Variants in RORA observed in about 807,000 individuals in gnomAD.
RORA encodes RAR related orphan receptor A, also known as nuclear receptor ROR-alpha.
Under a neutral mutation model 69.5 loss-of-function variants are expected in RORA, and 7 were observed. The ratio of observed to expected loss-of-function variants is 0.10; its 90% CI spans 0.06 to 0.19. The LOEUF (loss-of-function observed/expected upper bound fraction) is 0.19. Among genes scored for constraint, RORA ranks in the 10% least tolerant of loss-of-function variants. The pLI is 1.00. For missense variants in RORA, 457 were observed against 663.0 expected, an observed-to-expected ratio of 0.69 and a Z score of 3.41; for synonymous variants, 261 against 240.8, an observed-to-expected ratio of 1.08 and a Z score of -0.78.
chr15:60,709,406 A>G (rs2071112324), intron 1 of RORA, among the ~76,000 whole-genome samples: 1 of 152,184 alleles, frequency 6.6e-6, no homozygotes, highest in Admixed American at 6.5e-5. Context: ...TTAACACTCG[A>G]GCTCCTTTGA....
At chr15:61,104,873 T>G (rs2078929954) in intron 1 of RORA, among the ~76,000 whole-genome samples, 1 of 152,032 alleles carries the variant, frequency 6.6e-6, no homozygotes, top group South Asian at 2.1e-4. Context: ...ATGGAGGCAG[T>G]TTCCCCCATA....
intron 1 of RORA, among the ~76,000 whole-genome samples, chr15:61,001,868 C>T (rs933284156): frequency 3.3e-5 from 5 of 152,198 alleles, no homozygotes; most frequent in Non-Finnish European, 5.9e-5. Flanking sequence ...AAACCAAGAA[C>T]AGAACGACAA....
chr15:61,199,468 G>A (rs1404081274), intron 1 of RORA, among the ~76,000 whole-genome samples: 3 of 152,048 alleles, frequency 2.0e-5, no homozygotes, highest in South Asian at 4.2e-4. Flanking sequence ...ACTACTCTCG[G>A]CCCAAGCAGG....
chr15:60,494,354 T>TA lies in RORA; in HGVS notation c.*3100dup, dbSNP rs1481986157. 2 of 152,288 alleles carry TA rather than the reference T, an allele frequency of 1.3e-5. No homozygotes were observed. Among genetic ancestry groups the TA allele is most frequent in the East Asian group, 1.9e-4 (1 of 5,186 alleles). The allele number at this position is 152,288 out of a possible 1,614,324, so 9.4% of individuals were successfully genotyped here. ...GTACAAAAGCCTTATTTGCCTTATG[T>TA]AAAAAAATTGTACAAAGGCATTGTA... On this transcript the variant is annotated 3_prime_UTR_variant, in exon 11 of 11. Coordinates refer to ENST00000335670, the MANE Select transcript of RORA (RefSeq NM_134261.3).
At chr15:61,151,370 G>A (rs547106511) in intron 1 of RORA, among the ~76,000 whole-genome samples, 2 of 152,136 alleles carry the variant, frequency 1.3e-5, no homozygotes, top group African/African-American at 4.8e-5. Context: ...TCCTAAATAG[G>A]CTGAGTGAAT....
rs71125904 is a variant in RORA, at chr15:61,128,204, C to CGT, written c.166+100847_166+100848dup. Among the ~76,000 whole-genome samples, 71,958 of 150,008 alleles carry CGT rather than the reference C, an allele frequency of 0.48. 18,967 individuals are homozygous for CGT. The highest frequency in any genetic ancestry group is 0.61 in the Non-Finnish European group (41,149 of 67,372). ...TAATTGCTGTGTGTGTGTATGCACA[C>CGT]GTGTGTGTGTGTGTGTGTGTCTGTG... On this transcript the variant is annotated intron_variant, in intron 1 of 10. Coordinates refer to ENST00000335670, the MANE Select transcript of RORA (RefSeq NM_134261.3). The surrounding 1 kb of genome is among the most constrained non-coding windows in gnomAD (Gnocchi z 4.5).
chr15:60,699,271 T>C (rs2070948779), intron 1 of RORA, among the ~76,000 whole-genome samples: 1 of 152,190 alleles, frequency 6.6e-6, no homozygotes, highest in Non-Finnish European at 1.5e-5. Flanking sequence ...TCACCTATAC[T>C]TAAAATATTT....
chr15:60,530,780 T>A (rs1479744236), intron 3 of RORA: 1 of 152,224 alleles, frequency 6.6e-6, no homozygotes, highest in Non-Finnish European at 1.5e-5. Context: ...ATTTTATTTT[T>A]TGCCTCAGCC....
intron 1 of RORA, among the ~76,000 whole-genome samples, chr15:60,734,912 T>C (rs183991950): frequency 1.3e-4 from 20 of 152,338 alleles, no homozygotes; most frequent in Admixed American, 3.3e-4. Flanking sequence ...GCTTTTATTG[T>C]TTCATTTTAT....
At chr15:61,162,403 C>A (rs888818088) in intron 1 of RORA, among the ~76,000 whole-genome samples, 3 of 152,032 alleles carry the variant, frequency 2.0e-5, no homozygotes, top group African/African-American at 4.8e-5. Context: ...AGACTTTAGC[C>A]TTGACAAAAG....
At chr15:61,022,012 G>A (rs112006633) in intron 1 of RORA, among the ~76,000 whole-genome samples, 3 of 152,214 alleles carry the variant, frequency 2.0e-5, no homozygotes, top group South Asian at 2.1e-4. Flanking sequence ...CTGACCCAAG[G>A]GAGCCTTGAA....
intron 1 of RORA, among the ~76,000 whole-genome samples, chr15:61,216,846 C>G (rs1310606705): frequency 1.3e-5 from 2 of 152,154 alleles, no homozygotes; most frequent in Non-Finnish European, 2.9e-5. Context: ...ACACGGCTAG[C>G]ACAGCACACA....
intron 2 of RORA, among the ~76,000 whole-genome samples, chr15:60,544,597 T>A (rs532158206): frequency 5.3e-5 from 8 of 152,186 alleles, no homozygotes; most frequent in Non-Finnish European, 1.2e-4. Flanking sequence ...ACCATGCTAA[T>A]ACGCTGTTGA....
intron 1 of RORA, among the ~76,000 whole-genome samples, chr15:61,207,208 T>C (rs2079950528): frequency 2.0e-5 from 3 of 152,090 alleles, no homozygotes; most frequent in Admixed American, 2.0e-4. Context: ...AAATTTATAA[T>C]AGAGAAAGCC....
chr15:60,561,212 G>T (rs1318432598), intron 2 of RORA, among the ~76,000 whole-genome samples: 5 of 151,646 alleles, frequency 3.3e-5, no homozygotes, highest in Admixed American at 2.0e-4. Flanking sequence ...CTCCCGAGTA[G>T]CTGGGACTAC....
chr15:60,621,595 G>GTCCC (rs1350293895), intron 2 of RORA, among the ~76,000 whole-genome samples: 3 of 152,106 alleles, frequency 2.0e-5, no homozygotes, highest in African/African-American at 7.2e-5. Flanking sequence ...TATCATCTTT[G>GTCCC]TCCCACACCT....
At chr15:60,545,606 G>A (rs559026816) in intron 2 of RORA, among the ~76,000 whole-genome samples, 2 of 152,286 alleles carry the variant, frequency 1.3e-5, no homozygotes, top group Non-Finnish European at 2.9e-5. Context: ...GTATCTATGA[G>A]AGAAAAATCA....
At chr15:60,925,260 T>C (rs1892179481) in intron 1 of RORA, among the ~76,000 whole-genome samples, 1 of 152,296 alleles carries the variant, frequency 6.6e-6, no homozygotes, top group African/African-American at 2.4e-5. Flanking sequence ...TGTCAGTTTC[T>C]TGGTGCTGGA....
chr15:61,225,223 A>T (rs1055085351), intron 1 of RORA, among the ~76,000 whole-genome samples: 1 of 152,202 alleles, frequency 6.6e-6, no homozygotes, highest in South Asian at 2.1e-4. Context: ...AGTTTAAAAA[A>T]TAATTATTTT....
Sources: gnomAD v4.1 joint callset for allele counts (sites outside exome capture counted in the v4.1 genomes callset) on GRCh38, gnomAD v4.1.1 for gene constraint, Gnocchi (gnomAD v3.1) non-coding constraint, MANE v1.5 for transcripts, NCBI Gene and HGNC (gene_info 2026-07-23, HGNC 2026-07-21) for gene names.